VEPH1: variants seen among roughly 807,000 people sequenced by gnomAD.
VEPH1 encodes the protein ventricular zone-expressed PH domain-containing protein homolog 1.
In VEPH1, 80 loss-of-function variants were observed where a neutral mutation model predicts 85.2. The ratio of observed to expected loss-of-function variants is 0.94; its 90% CI spans 0.78 to 1.13. The LOEUF is 1.13. VEPH1 is among the 50% of genes most tolerant of loss of function. VEPH1 has a pLI of 0.00. For synonymous variants in VEPH1, 297 were observed against 348.0 expected, an observed-to-expected ratio of 0.85 and a Z score of 1.63; for missense variants, 955 against 980.5, an observed-to-expected ratio of 0.97 and a Z score of 0.35.
chr3:157,307,728 T>C (rs549496395), intron 11 of VEPH1, among the ~76,000 whole-genome samples: 1 of 151,908 alleles, frequency 6.6e-6, no homozygotes, highest in Non-Finnish European at 1.5e-5. Context: ...TCAAACTCCA[T>C]GAGAAAAGTC....
Position 157,454,121 on chromosome 3 carries a change from G to A in VEPH1, c.529+6060C>T, listed in dbSNP as rs186212289. On this transcript the variant is annotated intron_variant, in intron 4 of 13. Coordinates refer to ENST00000362010, the MANE Select transcript of VEPH1 (RefSeq NM_001167912.2). Reference sequence around the variant, plus strand: ...TCTGACTATCATGGTTTTAAAATGTGTGGTGTGTATAAGTGTTTTAAATTC... The same window carrying A: ...TCTGACTATCATGGTTTTAAAATGTATGGTGTGTATAAGTGTTTTAAATTC... 2.4e-3 allele frequency among the ~76,000 whole-genome samples: 372 copies of A among 152,126 alleles called. 2 individuals are homozygous for A. The highest frequency in any genetic ancestry group is 7.9e-3 in the African/African-American group (329 of 41,478).
intron 12 of VEPH1, among the ~76,000 whole-genome samples, chr3:157,281,579 C>T (rs1281877521): frequency 6.6e-6 from 1 of 151,844 alleles, no homozygotes; most frequent in African/African-American, 2.4e-5. Context: ...TCGCTTGCCA[C>T]CCGGCTGGAG....
intron 9 of VEPH1, among the ~76,000 whole-genome samples, chr3:157,321,695 T>C (rs183635781): frequency 1.3e-3 from 204 of 152,282 alleles, no homozygotes; most frequent in African/African-American, 4.7e-3. Flanking sequence ...CAGAGTTTTA[T>C]GGGTAGATTG....
chr3:157,275,540 C>T (rs1420112184), intron 12 of VEPH1, among the ~76,000 whole-genome samples: 1 of 151,830 alleles, frequency 6.6e-6, no homozygotes, highest in Admixed American at 6.6e-5. Flanking sequence ...TGTGCCATTG[C>T]ATACCAGTCT....
chr3:157,363,856 C>G, intron 8 of VEPH1, 95 bp from the exon 9 acceptor site: 1 of 1,420,040 alleles, frequency 7.0e-7, no homozygotes, highest in East Asian at 2.3e-5. Flanking sequence ...AAAGTTACTT[C>G]CTCTGGAGTG....
chr3:157,489,860 T>C (rs1400209849), intron 2 of VEPH1, among the ~76,000 whole-genome samples: 1 of 151,892 alleles, frequency 6.6e-6, no homozygotes, highest in Non-Finnish European at 1.5e-5. Flanking sequence ...GTTGAGTGAG[T>C]TTGCTGAACA....
rs1726295814 is a variant in VEPH1, at chr3:157,363,588, C to G, written c.1511G>C (p.Gly504Ala). The G allele has an allele frequency of 6.2e-7, 1 of 1,614,004 alleles. No individual in the cohort carries two copies. Residue 504 changes from glycine (G) to alanine (A), a missense_variant, in exon 9 of 14, where the codon GGG becomes GCG. Transcript: ENST00000362010. ...FKTDTERSQLGESSVSYPNII... is the reference protein window; with the variant it reads ...FKTDTERSQLAESSVSYPNII... ...ATTTGGGTATGAAACTGAAGACTCC[C>G]CCAGCTGTGATCTCTCAGTGTCTGT... is the stretch of plus-strand genomic sequence containing the variant.
intron 12 of VEPH1, among the ~76,000 whole-genome samples, chr3:157,267,403 T>G (rs1335235440): frequency 6.6e-6 from 1 of 151,550 alleles, no homozygotes; most frequent in African/African-American, 2.4e-5. Flanking sequence ...AGCCGAAATG[T>G]AGAGTTTTCA....
intron 4 of VEPH1, among the ~76,000 whole-genome samples, chr3:157,456,798 A>C (rs149452893): frequency 1.1e-3 from 171 of 152,036 alleles, no homozygotes; most frequent in Non-Finnish European, 2.0e-3. Flanking sequence ...AGTTTGAAGT[A>C]ATACAGTGTG....
chr3:157,357,407 A>C (rs1222275722), intron 9 of VEPH1, among the ~76,000 whole-genome samples: 1 of 152,236 alleles, frequency 6.6e-6, no homozygotes, highest in Non-Finnish European at 1.5e-5. Flanking sequence ...TAGTCAGATG[A>C]ATATTCATCT....
chr3:157,437,696 C>G, intron 4 of VEPH1: 1 of 1,532,020 alleles, frequency 6.5e-7, no homozygotes, highest in South Asian at 1.2e-5. Context: ...CCGTGCGCGC[C>G]GGGGGCTCCC....
At chr3:157,269,409 A>G (rs963757389) in intron 12 of VEPH1, among the ~76,000 whole-genome samples, 8 of 152,168 alleles carry the variant, frequency 5.3e-5, no homozygotes, top group Admixed American at 1.3e-4. Context: ...GCCCTAGGGG[A>G]AAAAAATCAA....
At chr3:157,303,340 T>C (rs1719051503) in intron 11 of VEPH1, among the ~76,000 whole-genome samples, 1 of 152,240 alleles carries the variant, frequency 6.6e-6, no homozygotes, top group South Asian at 2.1e-4. Context: ...AGTGTATTGC[T>C]TGTTTCCATC....
At chr3:157,443,712 T>C (rs1187397448) in intron 4 of VEPH1, 2 of 152,244 alleles carry the variant, frequency 1.3e-5, no homozygotes, top group Non-Finnish European at 2.9e-5. Context: ...TTAATATTGT[T>C]AGGAATGAGC....
chr3:157,470,590 A>G (rs1736846763), intron 2 of VEPH1, 61 bp from the exon 3 acceptor site: 1 of 1,511,224 alleles, frequency 6.6e-7, no homozygotes, highest in African/African-American at 1.4e-5. Flanking sequence ...TTCAAAGGAC[A>G]AAATACTAAC....
At chr3:157,416,550 T>C (rs960262071) in intron 5 of VEPH1, among the ~76,000 whole-genome samples, 1 of 152,118 alleles carries the variant, frequency 6.6e-6, no homozygotes, top group Admixed American at 6.6e-5. Context: ...TTTTTAGCAA[T>C]GAAAAATGCT....
intron 6 of VEPH1, among the ~76,000 whole-genome samples, chr3:157,390,227 A>G (rs1229650866): frequency 2.6e-5 from 4 of 152,210 alleles, no homozygotes; most frequent in African/African-American, 9.6e-5. Flanking sequence ...AGTTTGAACA[A>G]TGTAATTTTT....
At chr3:157,378,364 G>A (rs1728393768) in intron 7 of VEPH1, among the ~76,000 whole-genome samples, 3 of 129,392 alleles carry the variant, frequency 2.3e-5, no homozygotes, top group East Asian at 2.3e-4. Flanking sequence ...ATATAGTAGT[G>A]ATTCTCAAGT....
At chr3:157,416,255 A>G (rs931152945) in intron 5 of VEPH1, among the ~76,000 whole-genome samples, 1 of 152,212 alleles carries the variant, frequency 6.6e-6, no homozygotes, top group Admixed American at 6.5e-5. Context: ...ACTGTCATGT[A>G]TTACTACAAA....
Sources: allele counts gnomAD v4.1 joint callset (sites outside exome capture counted in the v4.1 genomes callset), GRCh38; gene constraint gnomAD v4.1.1; transcripts MANE v1.5; gene names NCBI Gene and HGNC (gene_info 2026-07-23, HGNC 2026-07-21).